The following TFCP2L1 variants were observed in gnomAD, a reference collection of about 807,000 sequenced individuals.
The protein encoded by TFCP2L1 is transcription factor CP2 like 1.
Under a neutral mutation model 72.2 loss-of-function variants are expected in TFCP2L1, and 12 were observed. The ratio of observed to expected loss-of-function variants is 0.17; its 90% confidence interval spans 0.11 to 0.27. The LOEUF (loss-of-function observed/expected upper bound fraction) is 0.27. Among genes scored for constraint, TFCP2L1 ranks in the 10% least tolerant of loss-of-function variants. The probability of loss-of-function intolerance (pLI) is 1.00; values close to 1 mark genes in which losing one functional copy is unlikely to be tolerated. For synonymous variants in TFCP2L1, 260 were observed against 251.0 expected, an observed-to-expected ratio of 1.04 and a Z score of -0.34; for missense variants, 488 against 624.6, an observed-to-expected ratio of 0.78 and a Z score of 2.33.
chr2:121,224,982 CAAA>C (rs34800606), intron 14 of TFCP2L1, among the ~76,000 whole-genome samples: 17 of 110,836 alleles, frequency 1.5e-4, no homozygotes, highest in Non-Finnish European at 1.5e-4. Flanking sequence ...AAGACTCCAT[CAAA>C]AAAAAAAAAA....
intron 7 of TFCP2L1, among the ~76,000 whole-genome samples, chr2:121,241,484 G>A (rs556867786): frequency 5.3e-5 from 8 of 152,088 alleles, no homozygotes; most frequent in East Asian, 3.9e-4. Flanking sequence ...GCAACAGAGC[G>A]AGACTCAGTC....
intron 7 of TFCP2L1, chr2:121,240,194 A>T: frequency 1.0e-6 from 1 of 985,422 alleles, no homozygotes; most frequent in Non-Finnish European, 1.2e-6. Flanking sequence ...GATGGTGTTC[A>T]TTCCATTTCA....
intron 2 of TFCP2L1, among the ~76,000 whole-genome samples, chr2:121,255,900 G>A (rs1295460251): frequency 6.6e-6 from 1 of 151,944 alleles, no homozygotes; most frequent in South Asian, 2.1e-4. Flanking sequence ...CCGCCACCTC[G>A]CCCGGCTAAT....
Position 121,249,615 on chromosome 2 carries a change from G to T in TFCP2L1, c.247C>A (p.Arg83=), listed in dbSNP as rs199899783. The T allele has an allele frequency of 6.2e-7, 1 of 1,614,250 alleles. No homozygotes were observed. Among genetic ancestry groups the T allele is most frequent in the Non-Finnish European group, 8.5e-7 (1 of 1,180,044 alleles). ...QSYEIRLLEN[R]KLGDFQDLNT... ...AGATCTTGAAAGTCTCCCAGCTTCC[G>T]ATTCTCCAGTAGTCGGATTTCATAA... The change falls in exon 3 of 15, where the codon CGG becomes AGG. Residue 83 remains arginine (R), a synonymous_variant. Transcript: ENST00000263707.
chr2:121,231,657 G>A (rs2104666923), intron 13 of TFCP2L1, among the ~76,000 whole-genome samples, 169 bp downstream of exon 13: 1 of 152,364 alleles, frequency 6.6e-6, no homozygotes, highest in African/African-American at 2.4e-5. Flanking sequence ...GGACCCAGAC[G>A]GGGCCTCAGC....
chr2:121,281,016 C>T (rs1186120208), intron 2 of TFCP2L1, 104 bp downstream of exon 2: 12 of 1,501,830 alleles, frequency 8.0e-6, no homozygotes, highest in Admixed American at 3.9e-5. Context: ...CGACCTCGCC[C>T]GACCTCACCC....
intron 2 of TFCP2L1, among the ~76,000 whole-genome samples, chr2:121,273,902 G>A (rs1205349489): frequency 6.6e-6 from 1 of 152,066 alleles, no homozygotes; most frequent in Non-Finnish European, 1.5e-5. Flanking sequence ...AGACCAGCCT[G>A]GCCAACATGG....
At chr2:121,239,473 G>A (rs766962985) in intron 8 of TFCP2L1, 85 bp downstream of exon 8, 15 of 1,453,696 alleles carry the variant, frequency 1.0e-5, no homozygotes, top group Non-Finnish European at 1.4e-5. Flanking sequence ...ACAGAAAGGA[G>A]AGGAGACCCA....
At chr2:121,243,445 G>A (rs1316616115) in intron 6 of TFCP2L1, among the ~76,000 whole-genome samples, 10 of 152,136 alleles carry the variant, frequency 6.6e-5, no homozygotes, top group East Asian at 1.9e-4. Context: ...GACCGGTACC[G>A]GTCCCATGCC....
In TFCP2L1 at chr2:121,285,114, GGAACT is replaced by G; in HGVS notation, c.-10_-6del. The G allele has an allele frequency of 6.7e-7, 1 of 1,501,800 alleles. No individual in the cohort carries two copies. The allele number at this position is 1,501,800 out of a possible 1,614,324, so 93.0% of individuals were successfully genotyped here. A position where few individuals can be genotyped will look rare whatever the true frequency, so the allele number is the denominator to read the frequency against. On this transcript the variant is annotated 5_prime_UTR_variant, in exon 1 of 15. Transcript: ENST00000263707. ...CTGCGTGTGCCAGAAGAGCATGGCT[GGAACT>G]CCCAGCGCGCCGACCGGGGCGCGGC...
chr2:121,239,939 G>T, intron 7 of TFCP2L1: 1 of 676,840 alleles, frequency 1.5e-6, no homozygotes, highest in Non-Finnish European at 1.8e-6. Flanking sequence ...TCACAGTCAT[G>T]TGATTCTTGG....
intron 6 of TFCP2L1, among the ~76,000 whole-genome samples, chr2:121,246,236 C>T (rs914116839): frequency 6.6e-6 from 1 of 152,212 alleles, no homozygotes; most frequent in Non-Finnish European, 1.5e-5. Flanking sequence ...TGGCTACTAT[C>T]TTCAGGAAAT....
intron 13 of TFCP2L1, among the ~76,000 whole-genome samples, chr2:121,227,469 G>C (rs906948948): frequency 6.6e-6 from 1 of 151,588 alleles, no homozygotes; most frequent in African/African-American, 2.4e-5. Flanking sequence ...ATCACCTGAG[G>C]TCAGGAGTTC....
At chr2:121,284,325 C>G (rs1687322574) in intron 1 of TFCP2L1, among the ~76,000 whole-genome samples, 1 of 152,184 alleles carries the variant, frequency 6.6e-6, no homozygotes, top group African/African-American at 2.4e-5. Flanking sequence ...CGGCCAGCAG[C>G]AGAACAGGGA....
intron 2 of TFCP2L1, among the ~76,000 whole-genome samples, chr2:121,268,574 T>A (rs77956099): frequency 0.035 from 5,318 of 151,930 alleles, 140 homozygotes; most frequent in Non-Finnish European, 0.056. Context: ...GGCAAAAAAA[T>A]ACAACAAAAA....
chr2:121,281,219 CG>C lies in TFCP2L1; in HGVS notation c.114del (p.Glu39ArgfsTer21). On this transcript the variant is annotated frameshift_variant, in exon 2 of 15. Transcript: ENST00000263707. LOFTEE classifies it high-confidence loss of function. ...IFKQEEPQLS[P>X]ENEARLPPLQ... ...AGGGGTGGCAGGCGGGCCTCGTTCTCGGGGGACAGCTGGGGTTCCTCCTGCT... is the reference window on the plus strand; with the variant it reads ...AGGGGTGGCAGGCGGGCCTCGTTCTCGGGGACAGCTGGGGTTCCTCCTGCT... 1.2e-6 allele frequency: 2 copies of C among 1,612,556 alleles called. No homozygotes were observed.
chr2:121,224,703 C>T (rs958723235), intron 14 of TFCP2L1, among the ~76,000 whole-genome samples: 1 of 152,210 alleles, frequency 6.6e-6, no homozygotes, highest in Non-Finnish European at 1.5e-5. Flanking sequence ...TTGGTGGTGG[C>T]TGGGCGTGGT....
At position 121,249,070 on chromosome 2, in the gene TFCP2L1, G is replaced by A; in HGVS notation, c.309C>T (p.Val103=). 1.3e-6 allele frequency: 2 copies of A among 1,592,540 alleles called. No individual in the cohort carries two copies. The highest frequency in any genetic ancestry group is 1.7e-6 in the Non-Finnish European group (2 of 1,169,164). The change falls in exon 4 of 15, where the codon GTC becomes GTT. Residue 103 remains valine (V), a synonymous_variant. Transcript: ENST00000263707. Reference sequence around the variant, plus strand: ...TATACTGCAGCCGGCGGTCATGGAAGACCACACGGATGATGCTCTGGGGAG... The same window carrying A: ...TATACTGCAGCCGGCGGTCATGGAAAACCACACGGATGATGCTCTGGGGAG... ...TKYVKSIIRV[V]FHDRRLQYTE...
intron 4 of TFCP2L1, 129 bp from the exon 5 acceptor site, chr2:121,248,399 T>A (rs919678597): frequency 2.9e-6 from 2 of 699,552 alleles, no homozygotes; most frequent in Non-Finnish European, 4.6e-6. Flanking sequence ...GAAAAAGTTT[T>A]GCATAACTTA....
Sources: gnomAD v4.1 joint callset for allele counts (sites outside exome capture counted in the v4.1 genomes callset) on GRCh38, gnomAD v4.1.1 for gene constraint, MANE v1.5 for transcripts, NCBI Gene and HGNC (gene_info 2026-07-23, HGNC 2026-07-21) for gene names.